Variants in MCTP1 observed in about 807,000 individuals in gnomAD.
MCTP1 encodes the protein multiple C2 and transmembrane domain-containing protein 1.
Under a neutral mutation model 120.6 loss-of-function variants are expected in MCTP1, and 69 were observed. The observed-to-expected ratio is 0.57, with a 90% CI of 0.47 to 0.70. The LOEUF is 0.70. Ranked by LOEUF, MCTP1 falls within the 30% of genes least tolerant of loss-of-function variation. The probability of loss-of-function intolerance (pLI) is 0.00; values close to 1 mark genes in which losing one functional copy is unlikely to be tolerated. For missense variants in MCTP1, 1,203 were observed against 1,248.8 expected (o/e 0.96, Z 0.55); for synonymous variants, 529 against 493.1 (o/e 1.07, Z -0.96).
chr5:95,278,485 A>T (rs1760033449), intron 1 of MCTP1, among the ~76,000 whole-genome samples: 1 of 152,190 alleles, frequency 6.6e-6, no homozygotes, highest in Admixed American at 6.5e-5. Flanking sequence ...GTTCTAGGAT[A>T]ATATCTACTT....
At chr5:95,130,547 A>G (rs756728410) in intron 1 of MCTP1, among the ~76,000 whole-genome samples, 2 of 152,226 alleles carry the variant, frequency 1.3e-5, no homozygotes, top group Non-Finnish European at 2.9e-5. Flanking sequence ...CTGTAACAAA[A>G]TGTCACAGTG....
chr5:95,167,378 CAT>C (rs1562199959), intron 1 of MCTP1, among the ~76,000 whole-genome samples: 3 of 152,146 alleles, frequency 2.0e-5, no homozygotes, highest in African/African-American at 7.2e-5. Flanking sequence ...TACATGTGCA[CAT>C]GTCTTTATAG....
At chr5:95,052,732 T>G (rs1746342755) in intron 1 of MCTP1, among the ~76,000 whole-genome samples, 1 of 152,142 alleles carries the variant, frequency 6.6e-6, no homozygotes, top group Non-Finnish European at 1.5e-5. Flanking sequence ...AAAGGAAGCT[T>G]TCAACTTGTT....
At chr5:95,119,536 A>C (rs964179269) in intron 1 of MCTP1, among the ~76,000 whole-genome samples, 19 of 152,176 alleles carry the variant, frequency 1.2e-4, no homozygotes, top group Admixed American at 5.2e-4. Context: ...ATTTCAGAGC[A>C]AAAATAAGTT....
intron 12 of MCTP1, among the ~76,000 whole-genome samples, chr5:94,877,086 A>G (rs1259492804): frequency 3.3e-5 from 5 of 151,994 alleles, no homozygotes; most frequent in Non-Finnish European, 7.4e-5. Flanking sequence ...ATAACTCCAG[A>G]ACATAAAGAG....
chr5:94,730,050 G>A (rs571778321), intron 19 of MCTP1, among the ~76,000 whole-genome samples: 22 of 152,208 alleles, frequency 1.4e-4, no homozygotes, highest in African/African-American at 3.6e-4. Flanking sequence ...GGATATATTC[G>A]GGATGTTTTG....
chr5:95,152,282 AT>A (rs949808271), intron 1 of MCTP1, among the ~76,000 whole-genome samples: 20 of 152,148 alleles, frequency 1.3e-4, no homozygotes, highest in Non-Finnish European at 1.5e-4. Context: ...CTCTTCCACT[AT>A]TTTTGCATTT....
intron 1 of MCTP1, among the ~76,000 whole-genome samples, chr5:95,120,017 A>AT (rs1758092373): frequency 6.6e-6 from 1 of 151,972 alleles, no homozygotes; most frequent in African/African-American, 2.4e-5. Context: ...CTAAAAAAAA[A>AT]TACAAAAAAA....
chr5:95,061,407 G>GGTTGTTT (rs749862250), intron 1 of MCTP1, among the ~76,000 whole-genome samples: 2 of 67,858 alleles, frequency 2.9e-5, no homozygotes, highest in African/African-American at 1.0e-4. Flanking sequence ...ACCCCTTAAG[G>GGTTGTTT]GTTTTTTTTT....
chr5:94,878,045 C>T (rs1799287579), intron 12 of MCTP1, among the ~76,000 whole-genome samples: 1 of 152,090 alleles, frequency 6.6e-6, no homozygotes, highest in African/African-American at 2.4e-5. Context: ...TATTTTGGGC[C>T]TACCTTGTAC....
intron 19 of MCTP1, among the ~76,000 whole-genome samples, chr5:94,736,488 A>C (rs888263265): frequency 6.6e-6 from 1 of 152,176 alleles, no homozygotes; most frequent in Non-Finnish European, 1.5e-5. Context: ...GTCTCAAAAA[A>C]AAATTTTTTT....
intron 19 of MCTP1, among the ~76,000 whole-genome samples, chr5:94,775,948 A>T (rs2152923463): frequency 6.9e-6 from 1 of 145,404 alleles, no homozygotes; most frequent in African/African-American, 2.5e-5. Flanking sequence ...AATATATATT[A>T]TAGAAATATA....
At chr5:94,941,663 T>A (rs770141044) in intron 4 of MCTP1, among the ~76,000 whole-genome samples, 1 of 152,072 alleles carries the variant, frequency 6.6e-6, no homozygotes. Context: ...TATTTCAGCA[T>A]GCATGATCTT....
chr5:95,226,484 C>T (rs1267271376), intron 1 of MCTP1, among the ~76,000 whole-genome samples: 3 of 152,182 alleles, frequency 2.0e-5, no homozygotes, highest in South Asian at 2.1e-4. Context: ...TTTTCATTTT[C>T]GGAGTAAATC....
intron 1 of MCTP1, among the ~76,000 whole-genome samples, chr5:95,168,102 C>G (rs1217781020): frequency 2.0e-5 from 3 of 152,186 alleles, no homozygotes; most frequent in African/African-American, 7.2e-5. Flanking sequence ...CCAGTTTCAG[C>G]TTTCTACATA....
intron 19 of MCTP1, among the ~76,000 whole-genome samples, chr5:94,760,310 G>T (rs1194253403): frequency 6.6e-6 from 1 of 152,146 alleles, no homozygotes; most frequent in African/African-American, 2.4e-5. Context: ...GGGAAAAAAA[G>T]AACTTGTTTG....
intron 1 of MCTP1, among the ~76,000 whole-genome samples, chr5:95,229,555 T>C (rs1754674946): frequency 6.6e-6 from 1 of 152,076 alleles, no homozygotes; most frequent in East Asian, 1.9e-4. Flanking sequence ...GAGACCAGCC[T>C]GGCCAACATG....
intron 3 of MCTP1, among the ~76,000 whole-genome samples, chr5:94,948,539 T>A (rs1368215233): frequency 6.6e-6 from 1 of 152,186 alleles, no homozygotes; most frequent in Non-Finnish European, 1.5e-5. Context: ...AAACAAAACA[T>A]CTGAGATAAT....
At chr5:94,746,916 A>C (rs968707942) in intron 19 of MCTP1, among the ~76,000 whole-genome samples, 6 of 152,232 alleles carry the variant, frequency 3.9e-5, no homozygotes, top group Admixed American at 1.3e-4. Flanking sequence ...CTGCCCTCTC[A>C]AGGCCTCTTG....
Sources: allele counts gnomAD v4.1 joint callset (sites outside exome capture counted in the v4.1 genomes callset), GRCh38; gene constraint gnomAD v4.1.1; transcripts MANE v1.5; gene names NCBI Gene and HGNC (gene_info 2026-07-23, HGNC 2026-07-21).